EXTL3: variants seen among roughly 807,000 people sequenced by gnomAD.
EXTL3 encodes the protein exostosin-like 3.
In EXTL3, 27 loss-of-function variants were observed where a neutral mutation model predicts 69.3. The ratio of observed to expected loss-of-function variants is 0.39; its 90% CI spans 0.29 to 0.54. The LOEUF (loss-of-function observed/expected upper bound fraction) is 0.54. Ranked by LOEUF, EXTL3 falls within the 20% of genes least tolerant of loss-of-function variation. The pLI, the probability that EXTL3 is intolerant of heterozygous loss-of-function variation, is 0.69. For missense variants in EXTL3, 1,003 were observed against 1,231.8 expected (o/e 0.81, Z 2.78); for synonymous variants, 511 against 499.4 (o/e 1.02, Z -0.31).
intron 4 of EXTL3, among the ~76,000 whole-genome samples, chr8:28,732,399 A>T (rs1405765116): frequency 6.6e-6 from 1 of 152,178 alleles, no homozygotes; most frequent in African/African-American, 2.4e-5. Context: ...ACATTTCTTC[A>T]ATATAATTCA....
intron 1 of EXTL3, among the ~76,000 whole-genome samples, chr8:28,657,104 AT>A (rs1016489333): frequency 3.3e-5 from 5 of 150,674 alleles, no homozygotes; most frequent in Non-Finnish European, 5.9e-5. Context: ...CACCCAGCTA[AT>A]TTTTTTTTGT....
At chr8:28,633,167 C>T (rs1032032480) in intron 1 of EXTL3, among the ~76,000 whole-genome samples, 1 of 151,364 alleles carries the variant, frequency 6.6e-6, no homozygotes, top group Non-Finnish European at 1.5e-5. Flanking sequence ...AGCAAGACCC[C>T]ATCTCTACAA....
chr8:28,705,044 A>C (rs960064416), intron 1 of EXTL3, among the ~76,000 whole-genome samples: 2 of 152,202 alleles, frequency 1.3e-5, no homozygotes, highest in African/African-American at 2.4e-5. Context: ...TTATTAATGG[A>C]GTCTGTGGAA....
intron 1 of EXTL3, among the ~76,000 whole-genome samples, chr8:28,672,963 T>G (rs1286238289): frequency 1.3e-5 from 2 of 152,194 alleles, no homozygotes; most frequent in Admixed American, 1.3e-4. Flanking sequence ...AAGGGGAGTT[T>G]CCCTGCACAA....
At chr8:28,686,052 G>C (rs1324476469) in intron 1 of EXTL3, 2 of 152,028 alleles carry the variant, frequency 1.3e-5, no homozygotes, top group Non-Finnish European at 2.9e-5. Context: ...TTCTAGTAGA[G>C]ATGGGGTTTC....
At chr8:28,705,762 C>G (rs559830092) in intron 1 of EXTL3, among the ~76,000 whole-genome samples, 2 of 152,252 alleles carry the variant, frequency 1.3e-5, no homozygotes, top group South Asian at 4.2e-4. Flanking sequence ...GTTGACTGTT[C>G]TGAGAATAAG....
chr8:28,633,067 T>C (rs1806595152), intron 1 of EXTL3, among the ~76,000 whole-genome samples: 1 of 152,172 alleles, frequency 6.6e-6, no homozygotes, highest in Non-Finnish European at 1.5e-5. Flanking sequence ...GGCCGAGTGT[T>C]GTGGCTCACA....
At position 28,668,865 on chromosome 8, in the gene EXTL3, C is replaced by CTTTTTTTTTTTTT. The variant is rs999113088; in HGVS notation, c.-52-44588_-52-44576dup. Among the ~76,000 whole-genome samples the CTTTTTTTTTTTTT allele has an allele frequency of 3.8e-3, 357 of 94,424 alleles. 17 individuals are homozygous for CTTTTTTTTTTTTT. Among genetic ancestry groups the CTTTTTTTTTTTTT allele is most frequent in the Middle Eastern group, 0.011 (1 of 94 alleles). The allele number at this position is 94,424 out of a possible 152,430, so 61.9% of individuals were successfully genotyped here. A position where few individuals can be genotyped will look rare whatever the true frequency, so the allele number is the denominator to read the frequency against. On this transcript the variant is annotated intron_variant, in intron 1 of 6. Coordinates refer to the EXTL3 transcript ENST00000523149. The stretch of plus-strand genomic sequence containing the variant: ...ACCCCTGCCTCCTTTGATAGAATCT[C>CTTTTTTTTTTTTT]TTTTTTTTTTTTTTTTGAGACAGAG...
chr8:28,704,238 C>G (rs1002708387), intron 1 of EXTL3, among the ~76,000 whole-genome samples: 2 of 152,242 alleles, frequency 1.3e-5, no homozygotes, highest in South Asian at 4.2e-4. Context: ...CACATGCACC[C>G]AAATGACCCA....
intron 1 of EXTL3, among the ~76,000 whole-genome samples, chr8:28,638,116 TTCC>T (rs1806684506): frequency 6.6e-6 from 1 of 152,202 alleles, no homozygotes; most frequent in Non-Finnish European, 1.5e-5. Flanking sequence ...CCTGGATCCC[TTCC>T]TCCATGGCAT....
Position 28,745,887 on chromosome 8 carries a change from CTG to C in EXTL3, c.2550+2676_2550+2677del, listed in dbSNP as rs772325867. On this transcript the variant is annotated intron_variant, in intron 6 of 6. Transcript: ENST00000220562. ...TGAAAACTTCAAAACTGAGTATTCT[CTG>C]TGAATTTTCTTCATCTTTCTGGAAT... 2.1e-4 allele frequency among the ~76,000 whole-genome samples: 32 copies of C among 152,294 alleles called. 2 individuals are homozygous for C. In the Middle Eastern group the frequency reaches 0.02, roughly 97 times the overall value.
chr8:28,746,687 T>C (rs1375148285), intron 6 of EXTL3, among the ~76,000 whole-genome samples: 1 of 141,152 alleles, frequency 7.1e-6, no homozygotes, highest in Non-Finnish European at 1.6e-5. Context: ...GTTTTTTGTT[T>C]CTTTTTTGAG....
At chr8:28,685,398 C>T (rs1367604020) in intron 1 of EXTL3, among the ~76,000 whole-genome samples, 1 of 130,300 alleles carries the variant, frequency 7.7e-6, no homozygotes, top group Non-Finnish European at 1.6e-5. Flanking sequence ...CTTTTCCTTC[C>T]TCCCCCCTCC....
intron 1 of EXTL3, among the ~76,000 whole-genome samples, chr8:28,676,605 C>T (rs409235): frequency 0.99 from 150,445 of 152,338 alleles, 74,301 homozygotes; most frequent in East Asian, 1. Context: ...AATTTGAGAA[C>T]CACTGGTATA....
At position 28,717,229 on chromosome 8, in the gene EXTL3, G is replaced by T; in HGVS notation, c.1170G>T (p.Lys390Asn). ...CCCTGAAGGCGGTGCAGGACAGCAA[G>T]CTGGATCAGGTCCTGGTGGAATTCA... ...IATLKAVQDS[K>N]LDQVLVEFTC... is the part of the protein sequence containing the mutation. The change falls in exon 3 of 7, where the codon AAG becomes AAT. Residue 390 changes from lysine (K) to asparagine (N), a missense_variant. By Grantham distance (94) the Lys-to-Asn change is moderately conservative. Around this residue, in one of 2 missense-constraint regions of EXTL3, gnomAD observed 742 missense variants for 815.4 expected, o/e 0.91. Coordinates refer to ENST00000220562, the MANE Select transcript of EXTL3 (RefSeq NM_001440.4). This position sits in a 1 kb window ranked among gnomAD's most constrained non-coding sequence, Gnocchi z 8.3. 10 of 1,614,234 alleles carry T rather than the reference G, an allele frequency of 6.2e-6. No homozygotes were observed. Among genetic ancestry groups the T allele is most frequent in the Non-Finnish European group, 8.5e-6 (10 of 1,180,052 alleles).
chr8:28,632,753 C>G (rs906981744), intron 1 of EXTL3, among the ~76,000 whole-genome samples: 1 of 151,860 alleles, frequency 6.6e-6, no homozygotes, highest in African/African-American at 2.4e-5. Flanking sequence ...GGGGTTTCAC[C>G]ATGTTGGCCA....
At chr8:28,727,362 C>T (rs1461598936) in intron 3 of EXTL3, among the ~76,000 whole-genome samples, 1 of 152,086 alleles carries the variant, frequency 6.6e-6, no homozygotes, top group Non-Finnish European at 1.5e-5. Flanking sequence ...AAGTAATGGA[C>T]TTTAATAAAC....
At chr8:28,634,113 G>A (rs1806615757) in intron 1 of EXTL3, among the ~76,000 whole-genome samples, 1 of 152,220 alleles carries the variant, frequency 6.6e-6, no homozygotes, top group Non-Finnish European at 1.5e-5. Context: ...CCAGAACTTA[G>A]TGGAGCAGGC....
chr8:28,660,838 C>CTTTTTTTTTTTTTTTT (rs58151386), intron 1 of EXTL3, among the ~76,000 whole-genome samples: 23 of 46,956 alleles, frequency 4.9e-4, no homozygotes, highest in African/African-American at 1.4e-3. Context: ...CGATTTTTGG[C>CTTTTTTTTTTTTTTTT]TTTTTTTTTT....
Sources: allele counts gnomAD v4.1 joint callset (sites outside exome capture counted in the v4.1 genomes callset), GRCh38; gene constraint gnomAD v4.1.1; regional missense constraint gnomAD v4.1.1; non-coding constraint Gnocchi (gnomAD v3.1); transcripts MANE v1.5; gene names NCBI Gene and HGNC (gene_info 2026-07-23, HGNC 2026-07-21).